ARHGAP35: variants seen among roughly 807,000 people sequenced by gnomAD.
ARHGAP35 encodes Rho GTPase activating protein 35, also known as rho GTPase-activating protein 35.
A neutral mutation model predicts 111.1 loss-of-function variants in ARHGAP35; 15 were observed. The ratio of observed to expected loss-of-function variants is 0.13; its 90% CI spans 0.09 to 0.21. ARHGAP35 has a LOEUF of 0.21. ARHGAP35 is among the 10% of genes least tolerant of loss of function. The pLI, the probability that ARHGAP35 is intolerant of heterozygous loss-of-function variation, is 1.00. For missense variants in ARHGAP35, 1,262 were observed against 1,873.0 expected (o/e 0.67, Z 6.02); for synonymous variants, 643 against 710.3 (o/e 0.91, Z 1.51).
chr19:46,968,421 G>A (rs1368630472), intron 3 of ARHGAP35, among the ~76,000 whole-genome samples: 1 of 152,176 alleles, frequency 6.6e-6, no homozygotes, highest in East Asian at 1.9e-4. Flanking sequence ...AAGGCTAATG[G>A]GAAGCCTGCT....
chr19:46,971,710 G>T (rs550418310), intron 3 of ARHGAP35, among the ~76,000 whole-genome samples: 1 of 151,960 alleles, frequency 6.6e-6, no homozygotes, highest in Non-Finnish European at 1.5e-5. Flanking sequence ...AAGTTGGTCA[G>T]GCTGGTCTCA....
intron 1 of ARHGAP35, among the ~76,000 whole-genome samples, chr19:46,866,845 A>G (rs2055860384): frequency 6.6e-6 from 1 of 152,250 alleles, no homozygotes; most frequent in South Asian, 2.1e-4. Context: ...TATCCAGATT[A>G]TATTAGCTAC....
chr19:46,989,728 C>T lies in ARHGAP35; in HGVS notation c.4036+53C>T. 6.2e-7 allele frequency: 1 copy of T among 1,609,274 alleles called. No homozygotes were observed. The highest frequency in any genetic ancestry group is 8.5e-7 in the Non-Finnish European group (1 of 1,177,890). ...GGATTGAGGGAGAAAGGGCTTGGCA[C>T]TGGAAGAATAGGTCCTGCCCTCAGA... On this transcript the variant is annotated intron_variant, in intron 5 of 6. Coordinates refer to ENST00000672722, the MANE Select transcript of ARHGAP35 (RefSeq NM_004491.5). This position sits in a 1 kb window ranked among gnomAD's most constrained non-coding sequence, Gnocchi z 5.3.
intron 3 of ARHGAP35, among the ~76,000 whole-genome samples, chr19:46,961,301 T>C (rs2056481264): frequency 6.6e-6 from 1 of 152,228 alleles, no homozygotes; most frequent in Non-Finnish European, 1.5e-5. Context: ...TGTAGACACA[T>C]GTATACACAC....
intron 3 of ARHGAP35, among the ~76,000 whole-genome samples, chr19:46,971,796 C>T (rs1467013254): frequency 5.9e-5 from 9 of 152,040 alleles, no homozygotes; most frequent in African/African-American, 1.4e-4. Context: ...CCGCACCTGG[C>T]CGGCTCCCTC....
Position 46,999,715 on chromosome 19 carries a change from G to T in ARHGAP35, c.4142+306G>T. The T allele has an allele frequency of 2.7e-6, 1 of 369,958 alleles. No homozygotes were observed. The highest frequency in any genetic ancestry group is 4.9e-6 in the Non-Finnish European group (1 of 203,822). The allele number at this position is 369,958 out of a possible 1,614,324, so 22.9% of individuals were successfully genotyped here. Reference sequence around the variant, plus strand: ...GCCTCTTGTAGGCCTGTGTCCCAAAGCTGGCAGAGAGAGAAGATCTTCTGG... The same window carrying T: ...GCCTCTTGTAGGCCTGTGTCCCAAATCTGGCAGAGAGAGAAGATCTTCTGG... On this transcript the variant is annotated intron_variant, in intron 6 of 6. Coordinates refer to ENST00000672722, the MANE Select transcript of ARHGAP35 (RefSeq NM_004491.5). The surrounding 1 kb of genome is among the most constrained non-coding windows in gnomAD (Gnocchi z 5.4).
At chr19:46,874,463 T>G (rs570991316) in intron 1 of ARHGAP35, among the ~76,000 whole-genome samples, 1 of 152,148 alleles carries the variant, frequency 6.6e-6, no homozygotes, top group South Asian at 2.1e-4. Context: ...GAAAGAACTT[T>G]TAAAGAAAAC....
At chr19:46,892,259 G>A (rs2056028596) in intron 1 of ARHGAP35, among the ~76,000 whole-genome samples, 1 of 146,456 alleles carries the variant, frequency 6.8e-6, no homozygotes, top group Admixed American at 6.9e-5. Context: ...AGCCGAGATC[G>A]CACCACTGCA....
rs11434545 is a variant in ARHGAP35, at chr19:46,897,695, CA to C, written c.-188-20778del. The stretch of plus-strand genomic sequence containing the variant: ...GGGATTTTCAGGCTAGATCTTTAAC[CA>C]AAAAAAAAAAAAAAGAGGCCCTACA... On this transcript the variant is annotated intron_variant, in intron 1 of 6. Transcript: ENST00000672722. Among the ~76,000 whole-genome samples, 1,192 of 133,632 alleles carry C rather than the reference CA, an allele frequency of 8.9e-3. 10 individuals carry two copies. Among genetic ancestry groups the C allele is most frequent in the African/African-American group, 0.021 (769 of 36,332 alleles). The allele number at this position is 133,632 out of a possible 152,430, so 87.7% of individuals were successfully genotyped here.
chr19:46,884,154 G>T (rs2122140388), intron 1 of ARHGAP35, among the ~76,000 whole-genome samples: 1 of 152,238 alleles, frequency 6.6e-6, no homozygotes, highest in African/African-American at 2.4e-5. Flanking sequence ...TTCATAAAAA[G>T]TAGGATCTAG....
intron 1 of ARHGAP35, among the ~76,000 whole-genome samples, chr19:46,892,302 C>CA (rs1211422406): frequency 0.031 from 1,975 of 63,530 alleles, 55 homozygotes; most frequent in African/African-American, 0.098. Flanking sequence ...GACTTTGTCT[C>CA]AAAAAAAAAA....
intron 1 of ARHGAP35, among the ~76,000 whole-genome samples, chr19:46,879,208 A>G (rs978135598): frequency 1.3e-5 from 2 of 152,124 alleles, no homozygotes; most frequent in Non-Finnish European, 2.9e-5. Flanking sequence ...CAGTAATCCC[A>G]GCTCTTCGGA....
intron 3 of ARHGAP35, among the ~76,000 whole-genome samples, chr19:46,963,915 T>C (rs1199014219): frequency 6.6e-6 from 1 of 152,206 alleles, no homozygotes; most frequent in Non-Finnish European, 1.5e-5. Flanking sequence ...TCACCCAGGC[T>C]GGAGTGCAGT....
intron 3 of ARHGAP35, among the ~76,000 whole-genome samples, chr19:46,952,676 GTGTTT>G (rs747042582): frequency 4.6e-5 from 7 of 152,106 alleles, no homozygotes; most frequent in Admixed American, 1.3e-4. Flanking sequence ...TTGTTGTGTT[GTGTTT>G]TGTTTTGTTT....
At chr19:46,898,484 T>C (rs886924196) in intron 1 of ARHGAP35, among the ~76,000 whole-genome samples, 1 of 152,230 alleles carries the variant, frequency 6.6e-6, no homozygotes, top group Admixed American at 6.5e-5. Flanking sequence ...TTTTCTGGGA[T>C]ATTTTTTAAA....
At chr19:46,979,310 G>T (rs1599861868) in intron 3 of ARHGAP35, among the ~76,000 whole-genome samples, 2 of 152,116 alleles carry the variant, frequency 1.3e-5, no homozygotes, top group African/African-American at 4.8e-5. Flanking sequence ...CACGTTCTTG[G>T]CAGGACGGCT....
intron 1 of ARHGAP35, among the ~76,000 whole-genome samples, chr19:46,881,270 T>C (rs1243742776): frequency 1.3e-5 from 2 of 152,184 alleles, no homozygotes; most frequent in Non-Finnish European, 2.9e-5. Flanking sequence ...GATCATGGGA[T>C]CTAGAATGGT....
intron 3 of ARHGAP35, among the ~76,000 whole-genome samples, chr19:46,974,654 G>A (rs369513025): frequency 7.9e-5 from 12 of 152,200 alleles, no homozygotes; most frequent in East Asian, 3.9e-4. Context: ...TGTTTATGGC[G>A]TTTCTGTGAT....
intron 5 of ARHGAP35, among the ~76,000 whole-genome samples, chr19:46,991,218 T>C (rs2056677464): frequency 6.6e-6 from 1 of 152,228 alleles, no homozygotes; most frequent in Admixed American, 6.5e-5. Context: ...GGAGCCAGCT[T>C]TCTTTCCACG....
Sources: allele counts gnomAD v4.1 joint callset (sites outside exome capture counted in the v4.1 genomes callset), GRCh38; gene constraint gnomAD v4.1.1; non-coding constraint Gnocchi (gnomAD v3.1); transcripts MANE v1.5; gene names NCBI Gene and HGNC (gene_info 2026-07-23, HGNC 2026-07-21).